The following CDH13 variants were observed in gnomAD, a reference collection of about 807,000 sequenced individuals.
CDH13 encodes the protein cadherin-13.
A neutral mutation model predicts 63.8 loss-of-function variants in CDH13; 24 were observed. The ratio of observed to expected loss-of-function variants is 0.38; its 90% CI spans 0.27 to 0.53. The LOEUF (loss-of-function observed/expected upper bound fraction) is 0.53, where lower values mean the gene tolerates loss of function less well. Ranked by LOEUF, CDH13 falls within the 20% of genes least tolerant of loss-of-function variation. CDH13 has a pLI of 0.85. For missense variants in CDH13, 1,049 were observed against 903.1 expected (o/e 1.16, Z -2.07); for synonymous variants, 503 against 355.3 (o/e 1.42, Z -4.67).
chr16:82,818,058 T>A (rs2037810259), intron 1 of CDH13, among the ~76,000 whole-genome samples: 1 of 152,138 alleles, frequency 6.6e-6, no homozygotes, highest in Admixed American at 6.5e-5. Context: ...CATACATGAC[T>A]ATACGCACAA....
intron 1 of CDH13, among the ~76,000 whole-genome samples, chr16:82,804,181 T>TACTG (rs1157944747): frequency 0.14 from 20,976 of 150,654 alleles, 1,966 homozygotes; most frequent in African/African-American, 0.26. Context: ...TGAGCTGAGA[T>TACTG]CACGCTACTG....
At chr16:83,299,565 A>G (rs925797534) in intron 5 of CDH13, among the ~76,000 whole-genome samples, 3 of 152,228 alleles carry the variant, frequency 2.0e-5, no homozygotes, top group East Asian at 1.9e-4. Flanking sequence ...TTCATTCCAC[A>G]TAAGTGTATT....
chr16:83,457,846 T>G (rs966110475), intron 6 of CDH13, among the ~76,000 whole-genome samples: 5 of 152,172 alleles, frequency 3.3e-5, no homozygotes, highest in African/African-American at 1.2e-4. Context: ...CTCCCAGATT[T>G]CTGATTTGAC....
intron 1 of CDH13, among the ~76,000 whole-genome samples, chr16:82,650,365 G>A (rs1439271904): frequency 6.6e-6 from 1 of 152,192 alleles, no homozygotes; most frequent in Non-Finnish European, 1.5e-5. Context: ...CCTGGAGAAG[G>A]CAGATGAGAT....
chr16:83,027,264 C>G (rs1284043856), intron 2 of CDH13, among the ~76,000 whole-genome samples: 4 of 152,254 alleles, frequency 2.6e-5, no homozygotes, highest in Middle Eastern at 3.4e-3. Flanking sequence ...AAGAACAAGA[C>G]TCAATTTCTG....
chr16:83,223,066 G>A (rs551143336), intron 5 of CDH13, among the ~76,000 whole-genome samples: 1 of 48,268 alleles, frequency 2.1e-5, no homozygotes, highest in South Asian at 8.7e-4. Context: ...CCTATAAGGG[G>A]CAAAATTGAG....
intron 8 of CDH13, among the ~76,000 whole-genome samples, chr16:83,657,733 G>C (rs1255780704): frequency 6.6e-6 from 1 of 152,188 alleles, no homozygotes; most frequent in Non-Finnish European, 1.5e-5. Flanking sequence ...TGCTTGCTTA[G>C]CAATATCTGT....
chr16:83,112,797 C>T (rs1567841220), intron 3 of CDH13, among the ~76,000 whole-genome samples: 1 of 152,190 alleles, frequency 6.6e-6, no homozygotes, highest in South Asian at 2.1e-4. Context: ...TATCTATTTA[C>T]CAGACCTTCG....
At chr16:82,943,982 GCTTC>G (rs1329587593) in intron 2 of CDH13, among the ~76,000 whole-genome samples, 1 of 152,142 alleles carries the variant, frequency 6.6e-6, no homozygotes, top group African/African-American at 2.4e-5. Context: ...TTCAGGTCTG[GCTTC>G]CACTGCAGTG....
intron 2 of CDH13, chr16:82,953,330 G>C (rs1396183665): frequency 2.6e-5 from 4 of 152,204 alleles, no homozygotes; most frequent in African/African-American, 9.6e-5. Context: ...AGCAAAAACA[G>C]ATACACTTCT....
Position 83,032,239 on chromosome 16 carries a change from A to C in CDH13, c.366+21A>C, listed in dbSNP as rs760117321. 59 of 1,600,818 alleles carry C rather than the reference A, an allele frequency of 3.7e-5. No individual in the cohort carries two copies. The African/African-American group carries it at 6.7e-4, about 18-fold the overall frequency. On this transcript the variant is annotated intron_variant, in intron 3 of 13. Coordinates refer to ENST00000567109, the MANE Select transcript of CDH13 (RefSeq NM_001257.5). ...TGCAGGTAACACATCTGTTTGAGATAACTTGGGTTCAAGGAGGACATTAGG... is the reference window on the plus strand; with the variant it reads ...TGCAGGTAACACATCTGTTTGAGATCACTTGGGTTCAAGGAGGACATTAGG...
intron 2 of CDH13, among the ~76,000 whole-genome samples, chr16:82,909,279 T>A (rs1290217097): frequency 6.6e-6 from 1 of 151,544 alleles, no homozygotes; most frequent in Non-Finnish European, 1.5e-5. Flanking sequence ...TGTGTGTGTG[T>A]GTGTGTGTGT....
chr16:82,692,388 A>C (rs1397902603), intron 1 of CDH13, among the ~76,000 whole-genome samples: 1 of 152,238 alleles, frequency 6.6e-6, no homozygotes. Flanking sequence ...CGGAGGCTTC[A>C]CAATCATGGT....
chr16:83,247,401 A>C (rs1336895162), intron 5 of CDH13, among the ~76,000 whole-genome samples: 1 of 152,154 alleles, frequency 6.6e-6, no homozygotes, highest in Non-Finnish European at 1.5e-5. Flanking sequence ...TACGTGCTTC[A>C]GTTTAGTGCA....
intron 1 of CDH13, among the ~76,000 whole-genome samples, chr16:82,666,751 A>G (rs568630957): frequency 7.5e-4 from 114 of 152,288 alleles, no homozygotes; most frequent in African/African-American, 2.6e-3. Flanking sequence ...AGAAATGTTA[A>G]ATGGTGTGCT....
At chr16:83,109,302 G>C (rs1013816046) in intron 3 of CDH13, among the ~76,000 whole-genome samples, 4 of 152,084 alleles carry the variant, frequency 2.6e-5, no homozygotes, top group African/African-American at 7.3e-5. Flanking sequence ...AGTATGGTGG[G>C]AACCAAAGAA....
chr16:83,311,378 A>G (rs2089996853), intron 5 of CDH13, among the ~76,000 whole-genome samples: 2 of 152,198 alleles, frequency 1.3e-5, no homozygotes, highest in African/African-American at 2.4e-5. Flanking sequence ...TGTATACCAG[A>G]GCCCAGCTAC....
At chr16:83,377,623 A>G (rs2091482401) in intron 6 of CDH13, among the ~76,000 whole-genome samples, 1 of 152,184 alleles carries the variant, frequency 6.6e-6, no homozygotes, top group African/African-American at 2.4e-5. Flanking sequence ...ATAAAGCAAA[A>G]GTCATTGAAT....
chr16:82,963,487 A>G (rs1907341349), intron 2 of CDH13, among the ~76,000 whole-genome samples: 1 of 152,152 alleles, frequency 6.6e-6, no homozygotes, highest in Admixed American at 6.5e-5. Flanking sequence ...TCACCGTATC[A>G]CATCCTCACA....
Sources: allele counts gnomAD v4.1 joint callset (sites outside exome capture counted in the v4.1 genomes callset), GRCh38; gene constraint gnomAD v4.1.1; transcripts MANE v1.5; gene names NCBI Gene and HGNC (gene_info 2026-07-23, HGNC 2026-07-21).